GRIK2: variants seen among roughly 807,000 people sequenced by gnomAD.
GRIK2 encodes glutamate receptor ionotropic, kainate 2.
GRIK2 carries 32 observed loss-of-function variants against 100.3 expected under a neutral mutation model. The observed-to-expected ratio is 0.32, with a 90% CI of 0.24 to 0.43. The LOEUF (loss-of-function observed/expected upper bound fraction) is 0.43, where lower values mean the gene tolerates loss of function less well. Among genes scored for constraint, GRIK2 ranks in the 20% least tolerant of loss-of-function variants. GRIK2 has a pLI of 1.00. For synonymous variants in GRIK2, 417 were observed against 389.4 expected, an observed-to-expected ratio of 1.07 and a Z score of -0.83; for missense variants, 843 against 1,114.9, an observed-to-expected ratio of 0.76 and a Z score of 3.47.
At chr6:101,543,402 A>G (rs992220826) in intron 2 of GRIK2, among the ~76,000 whole-genome samples, 2 of 152,196 alleles carry the variant, frequency 1.3e-5, no homozygotes, top group African/African-American at 4.8e-5. Context: ...AAGGTGGGCA[A>G]TAGTTTTGGC....
intron 7 of GRIK2, among the ~76,000 whole-genome samples, chr6:101,787,636 A>G (rs1465216802): frequency 1.3e-5 from 2 of 151,918 alleles, no homozygotes; most frequent in Admixed American, 6.6e-5. Context: ...ATTGATTTCT[A>G]TTTTTTTGTT....
intron 14 of GRIK2, among the ~76,000 whole-genome samples, chr6:101,948,440 AACTAAT>A (rs1791405934): frequency 3.2e-5 from 2 of 62,760 alleles, no homozygotes; most frequent in South Asian, 1.5e-3. Context: ...TCAGTTCCTT[AACTAAT>A]ATATATATAT....
At chr6:101,532,050 C>T (rs1775467681) in intron 2 of GRIK2, among the ~76,000 whole-genome samples, 1 of 151,866 alleles carries the variant, frequency 6.6e-6, no homozygotes, top group African/African-American at 2.4e-5. Context: ...TTAACAAATG[C>T]TGCAAAGACT....
intron 10 of GRIK2, among the ~76,000 whole-genome samples, chr6:101,824,221 G>A (rs575601329): frequency 6.6e-6 from 1 of 151,952 alleles, no homozygotes; most frequent in East Asian, 1.9e-4. Context: ...GTGAGATTTT[G>A]GTGCACTCAT....
intron 2 of GRIK2, among the ~76,000 whole-genome samples, chr6:101,554,424 A>G (rs1267760042): frequency 6.6e-6 from 1 of 152,164 alleles, no homozygotes; most frequent in Non-Finnish European, 1.5e-5. Context: ...ACAAATGCTA[A>G]TTTGTTGCTG....
At chr6:101,491,538 C>T (rs914369568) in intron 2 of GRIK2, among the ~76,000 whole-genome samples, 1 of 151,882 alleles carries the variant, frequency 6.6e-6, no homozygotes, top group East Asian at 1.9e-4. Context: ...ATAATGAATG[C>T]CTGCATACTT....
intron 2 of GRIK2, among the ~76,000 whole-genome samples, chr6:101,513,445 G>T (rs955650448): frequency 2.0e-5 from 3 of 152,166 alleles, no homozygotes; most frequent in Admixed American, 2.0e-4. Flanking sequence ...AGGATTGGGA[G>T]TGTCTGGAAG....
chr6:101,725,829 T>C (rs542696563), intron 7 of GRIK2, among the ~76,000 whole-genome samples: 10 of 152,126 alleles, frequency 6.6e-5, no homozygotes, highest in African/African-American at 2.4e-4. Context: ...AAATGACATA[T>C]TGTGTTCACC....
rs556249460 is a variant in GRIK2 at position 101,664,476 on chromosome 6, G to T, written c.542-12147G>T. On this transcript the variant is annotated intron_variant, in intron 4 of 16. Transcript: ENST00000369134. The stretch of plus-strand genomic sequence containing the variant: ...TTAAAATGCAACATTAATTTTACTG[G>T]CTTCTCACAAACTGAAATATTCTGA... Among the ~76,000 whole-genome samples, 7 of 152,288 alleles carry T rather than the reference G, an allele frequency of 4.6e-5. No individual in the cohort carries two copies. In the East Asian group the frequency reaches 9.6e-4, roughly 21 times the overall value.
At chr6:101,939,990 T>C (rs1790859544) in intron 14 of GRIK2, among the ~76,000 whole-genome samples, 1 of 152,044 alleles carries the variant, frequency 6.6e-6, no homozygotes, top group Non-Finnish European at 1.5e-5. Context: ...TGGTGATAGT[T>C]ATGATGAGAG....
intron 4 of GRIK2, among the ~76,000 whole-genome samples, chr6:101,631,025 G>T (rs895107510): frequency 6.6e-6 from 1 of 152,060 alleles, no homozygotes; most frequent in Non-Finnish European, 1.5e-5. Context: ...GAAATATAGT[G>T]CTGGAATAGG....
At chr6:101,435,830 T>C (rs1003218724) in intron 2 of GRIK2, among the ~76,000 whole-genome samples, 2 of 152,150 alleles carry the variant, frequency 1.3e-5, no homozygotes, top group African/African-American at 4.8e-5. Context: ...TCAAGTTTAA[T>C]CATTTTTTCA....
chr6:101,557,860 G>T (rs1776821301), intron 2 of GRIK2, among the ~76,000 whole-genome samples: 1 of 152,080 alleles, frequency 6.6e-6, no homozygotes, highest in Non-Finnish European at 1.5e-5. Context: ...TTATTTCACT[G>T]CTTATGTATA....
intron 2 of GRIK2, among the ~76,000 whole-genome samples, chr6:101,598,749 C>A (rs1779051253): frequency 6.6e-6 from 1 of 151,472 alleles, no homozygotes; most frequent in African/African-American, 2.4e-5. Context: ...AAAATTATTT[C>A]TTCCCTGCTA....
chr6:101,534,204 C>T (rs970286724), intron 2 of GRIK2, among the ~76,000 whole-genome samples: 6 of 151,426 alleles, frequency 4.0e-5, no homozygotes, highest in African/African-American at 1.5e-4. Flanking sequence ...GTAGACAGAT[C>T]CTTGCAACTA....
intron 2 of GRIK2, among the ~76,000 whole-genome samples, chr6:101,546,616 T>C (rs887193035): frequency 6.6e-6 from 1 of 151,874 alleles, no homozygotes; most frequent in African/African-American, 2.4e-5. Context: ...CACACAAGAG[T>C]GTTGCATGGA....
At chr6:101,641,883 C>T (rs1377054235) in intron 4 of GRIK2, among the ~76,000 whole-genome samples, 1 of 151,758 alleles carries the variant, frequency 6.6e-6, no homozygotes, top group Non-Finnish European at 1.5e-5. Context: ...TGACTTTTTT[C>T]TTTTATGTGG....
At chr6:101,791,927 C>G (rs1483040207) in intron 7 of GRIK2, among the ~76,000 whole-genome samples, 1 of 152,030 alleles carries the variant, frequency 6.6e-6, no homozygotes, top group Non-Finnish European at 1.5e-5. Context: ...ATAGTTATCT[C>G]TTCTTGTTGA....
chr6:102,006,404 T>TTTTA (rs1374615728), intron 14 of GRIK2, among the ~76,000 whole-genome samples: 1 of 145,652 alleles, frequency 6.9e-6, no homozygotes, highest in Non-Finnish European at 1.5e-5. Context: ...TTTTTTTTTT[T>TTTTA]GAGACATACA....
Sources: gnomAD v4.1 joint callset for allele counts (sites outside exome capture counted in the v4.1 genomes callset) on GRCh38, gnomAD v4.1.1 for gene constraint, MANE v1.5 for transcripts, NCBI Gene and HGNC (gene_info 2026-07-23, HGNC 2026-07-21) for gene names.